Variants in PPP1R12A observed in about 807,000 individuals in gnomAD.
PPP1R12A encodes protein phosphatase 1 regulatory subunit 12A.
Under a neutral mutation model 139.6 loss-of-function variants are expected in PPP1R12A, and 19 were observed. The observed-to-expected ratio is 0.14, with a 90% CI of 0.09 to 0.20. The LOEUF is 0.20. Among genes scored for constraint, PPP1R12A ranks in the 10% least tolerant of loss-of-function variants. The pLI is 1.00. For synonymous variants in PPP1R12A, 427 were observed against 420.6 expected, an observed-to-expected ratio of 1.02 and a Z score of -0.19; for missense variants, 925 against 1,211.5, an observed-to-expected ratio of 0.76 and a Z score of 3.51.
chr12:79,797,162 T>C, intron 16 of PPP1R12A, 33 bp downstream of exon 16: 1 of 1,516,048 alleles, frequency 6.6e-7, no homozygotes, highest in South Asian at 1.2e-5. Context: ...ATTCATACCA[T>C]TTGACTTAAA....
intron 2 of PPP1R12A, among the ~76,000 whole-genome samples, chr12:79,847,237 T>C (rs946407973): frequency 6.6e-6 from 1 of 152,218 alleles, no homozygotes; most frequent in East Asian, 1.9e-4. Context: ...AATGAGATTA[T>C]TCTAAATGAA....
intron 3 of PPP1R12A, among the ~76,000 whole-genome samples, chr12:79,842,534 T>C (rs1455971764): frequency 5.3e-5 from 8 of 151,962 alleles, no homozygotes; most frequent in Admixed American, 4.6e-4. Flanking sequence ...ACCTGTTTGA[T>C]CACTGCCTAA....
chr12:79,803,228 T>C (rs1592638170), intron 14 of PPP1R12A, among the ~76,000 whole-genome samples: 1 of 152,202 alleles, frequency 6.6e-6, no homozygotes, highest in East Asian at 1.9e-4. Context: ...TACCACCTAA[T>C]ATTCAGTTCC....
intron 1 of PPP1R12A, among the ~76,000 whole-genome samples, chr12:79,933,733 T>C (rs1888430111): frequency 6.6e-6 from 1 of 152,260 alleles, no homozygotes; most frequent in Non-Finnish European, 1.5e-5. Context: ...TATCTCTGGA[T>C]TGCCAATAGT....
rs778937135 is a variant in PPP1R12A, at chr12:79,802,353, A to G, written c.2000+3239T>C. 3.1e-4 allele frequency among the ~76,000 whole-genome samples: 47 copies of G among 152,264 alleles called. No homozygotes were observed. The Middle Eastern group carries it at 0.014, about 44-fold the overall frequency. On this transcript the variant is annotated intron_variant, in intron 14 of 24. Transcript: ENST00000450142. ...TCAGCCTGGAAAATGTCCAATGGCT[A>G]TTTTTTCCATTCATTCATTTAATTT...
chr12:79,915,271 A>C (rs1886903961), intron 1 of PPP1R12A, among the ~76,000 whole-genome samples: 1 of 152,098 alleles, frequency 6.6e-6, no homozygotes, highest in Admixed American at 6.6e-5. Context: ...TTTATGTATA[A>C]ATTTGTTAAC....
chr12:79,820,204 A>G (rs1467818351), intron 8 of PPP1R12A, among the ~76,000 whole-genome samples: 1 of 152,330 alleles, frequency 6.6e-6, no homozygotes, highest in Admixed American at 6.5e-5. Flanking sequence ...GACATCTATA[A>G]TGTTTTAACT....
intron 2 of PPP1R12A, among the ~76,000 whole-genome samples, chr12:79,855,157 T>A (rs1223531520): frequency 2.0e-5 from 3 of 151,760 alleles, no homozygotes; most frequent in Non-Finnish European, 4.4e-5. Context: ...CCCGGCTAAT[T>A]TTTTGTATTT....
At chr12:79,912,459 A>G (rs1886650659) in intron 1 of PPP1R12A, among the ~76,000 whole-genome samples, 1 of 152,164 alleles carries the variant, frequency 6.6e-6, no homozygotes, top group Admixed American at 6.5e-5. Context: ...TGGAAGGCCA[A>G]GGCGGGAGGA....
At chr12:79,829,651 A>G (rs751221557) in intron 4 of PPP1R12A, among the ~76,000 whole-genome samples, 14 of 152,124 alleles carry the variant, frequency 9.2e-5, no homozygotes, top group Non-Finnish European at 1.5e-4. Flanking sequence ...GCTGAAAGAT[A>G]TAAGTCCAAA....
At chr12:79,889,226 T>C (rs1404720007) in intron 1 of PPP1R12A, among the ~76,000 whole-genome samples, 1 of 152,188 alleles carries the variant, frequency 6.6e-6, no homozygotes, top group African/African-American at 2.4e-5. Flanking sequence ...ATAAACACTA[T>C]GGCAATTGTG....
intron 1 of PPP1R12A, among the ~76,000 whole-genome samples, chr12:79,917,613 C>T (rs1036575100): frequency 1.3e-5 from 2 of 151,902 alleles, no homozygotes; most frequent in Non-Finnish European, 2.9e-5. Flanking sequence ...TACTACTTTC[C>T]TCATTAACTG....
At position 79,866,905 on chromosome 12, in the gene PPP1R12A, G is replaced by C. The variant is rs182201525; in HGVS notation, c.368+5903C>G. On this transcript the variant is annotated intron_variant, in intron 2 of 24. Transcript: ENST00000450142. Reference sequence around the variant, plus strand: ...ATTAGTTCAACCATTATGGAAGACAGTGTGGCGATTCCGCAAGGATCTAGA... The same window carrying C: ...ATTAGTTCAACCATTATGGAAGACACTGTGGCGATTCCGCAAGGATCTAGA... Among the ~76,000 whole-genome samples the C allele has an allele frequency of 2.1e-3, 324 of 152,348 alleles. 3 individuals carry two copies. Among genetic ancestry groups the C allele is most frequent in the African/African-American group, 7.2e-3 (298 of 41,586 alleles).
chr12:79,805,498 T>C, intron 14 of PPP1R12A, 94 bp downstream of exon 14: 1 of 1,160,462 alleles, frequency 8.6e-7, no homozygotes, highest in South Asian at 1.7e-5. Context: ...ACTGGAGAGA[T>C]GGCCATCAAC....
intron 1 of PPP1R12A, among the ~76,000 whole-genome samples, chr12:79,903,645 T>G (rs922131111): frequency 4.6e-5 from 7 of 152,190 alleles, no homozygotes; most frequent in African/African-American, 1.4e-4. Context: ...TGAGGGACAC[T>G]CAATCTGTAT....
At chr12:79,913,576 G>A (rs1438847393) in intron 1 of PPP1R12A, among the ~76,000 whole-genome samples, 1 of 152,034 alleles carries the variant, frequency 6.6e-6, no homozygotes, top group African/African-American at 2.4e-5. Context: ...CTTAATTATT[G>A]TGGCTTTATA....
Position 79,796,909 on chromosome 12 carries a change from G to A in PPP1R12A, c.2334C>T (p.Thr778=). Residue 778 remains threonine (T), a synonymous_variant, in exon 17 of 25, where the codon ACC becomes ACT. Transcript: ENST00000450142. ...RYRPVSTSSS[T]TPSSSLSTMS... ...TAGTAGAAAGTGAAGAGGATGGAGT[G>A]GTTGAACTTGAAGTTGATACTGGCC... is the stretch of plus-strand genomic sequence containing the variant. 1 of 1,612,414 alleles carries A rather than the reference G, an allele frequency of 6.2e-7. No homozygotes were observed. Among genetic ancestry groups the A allele is most frequent in the Non-Finnish European group, 8.5e-7 (1 of 1,179,110 alleles).
intron 1 of PPP1R12A, among the ~76,000 whole-genome samples, chr12:79,929,487 C>T (rs1251416157): frequency 3.3e-5 from 5 of 151,980 alleles, no homozygotes; most frequent in Admixed American, 1.3e-4. Flanking sequence ...TTTTTTAGGC[C>T]GGCCACAGTG....
At chr12:79,823,652 G>C (rs1876412510) in intron 5 of PPP1R12A, 1 of 151,110 alleles carries the variant, frequency 6.6e-6, no homozygotes. Flanking sequence ...GGAGTGCACT[G>C]GCACGATCGT....
Sources: gnomAD v4.1 joint callset for allele counts (sites outside exome capture counted in the v4.1 genomes callset) on GRCh38, gnomAD v4.1.1 for gene constraint, MANE v1.5 for transcripts, NCBI Gene and HGNC (gene_info 2026-07-23, HGNC 2026-07-21) for gene names.